TMEM131L: variants seen among roughly 807,000 people sequenced by gnomAD.
TMEM131L encodes the protein transmembrane 131 like, also known as transmembrane protein 131-like.
In TMEM131L, 54 loss-of-function variants were observed where a neutral mutation model predicts 192.2. The ratio of observed to expected loss-of-function variants is 0.28; its 90% CI spans 0.23 to 0.35. The LOEUF is 0.35. Ranked by LOEUF, TMEM131L falls within the 10% of genes least tolerant of loss-of-function variation. The pLI is 1.00. For synonymous variants in TMEM131L, 701 were observed against 704.9 expected (o/e 0.99, Z 0.09); for missense variants, 1,888 against 1,972.9 (o/e 0.96, Z 0.82).
intron 29 of TMEM131L, 41 bp downstream of exon 29, chr4:153,623,124 T>C: frequency 6.6e-7 from 1 of 1,509,648 alleles, no homozygotes. Flanking sequence ...CGGTGGCCCT[T>C]CCCTCTGCCC....
At chr4:153,535,492 C>A (rs529831324) in intron 3 of TMEM131L, among the ~76,000 whole-genome samples, 2 of 152,178 alleles carry the variant, frequency 1.3e-5, no homozygotes, top group East Asian at 3.9e-4. Context: ...GGTGTCTCTG[C>A]ATTCAGAAGG....
chr4:153,535,131 G>C (rs1371382330), intron 3 of TMEM131L, among the ~76,000 whole-genome samples: 1 of 152,224 alleles, frequency 6.6e-6, no homozygotes, highest in African/African-American at 2.4e-5. Context: ...CTTGGATCAG[G>C]TGTGGCAGTG....
chr4:153,532,543 T>G (rs1034778833), intron 3 of TMEM131L, among the ~76,000 whole-genome samples: 2 of 151,822 alleles, frequency 1.3e-5, no homozygotes, highest in Non-Finnish European at 1.5e-5. Context: ...ATTTGTGGGG[T>G]TTTGCAACCA....
intron 6 of TMEM131L, 53 bp from the exon 7 acceptor site, chr4:153,558,204 CA>C: frequency 1.1e-6 from 1 of 951,128 alleles, no homozygotes; most frequent in East Asian, 2.4e-5. Context: ...AGCATTATGG[CA>C]AATGTGTTTT....
At chr4:153,545,622 A>T (rs1737116403) in intron 3 of TMEM131L, among the ~76,000 whole-genome samples, 1 of 152,104 alleles carries the variant, frequency 6.6e-6, no homozygotes, top group South Asian at 2.1e-4. Context: ...GTAGAAAAAA[A>T]TGTGGCCAAA....
intron 25 of TMEM131L, among the ~76,000 whole-genome samples, chr4:153,609,671 G>T (rs1028990918): frequency 3.3e-5 from 5 of 152,130 alleles, no homozygotes. Flanking sequence ...TTTTGGGGAT[G>T]GTTTTGTACT....
chr4:153,581,701 G>C, intron 9 of TMEM131L, 141 bp downstream of exon 9: 1 of 503,536 alleles, frequency 2.0e-6, no homozygotes, highest in Non-Finnish European at 3.2e-6. Context: ...AGTAGTAACT[G>C]GTTCTCAACC....
intron 3 of TMEM131L, among the ~76,000 whole-genome samples, chr4:153,499,182 G>A (rs1260024465): frequency 6.6e-6 from 1 of 152,216 alleles, no homozygotes; most frequent in African/African-American, 2.4e-5. Flanking sequence ...GGGCTCCGAG[G>A]CTGCGCCTTG....
chr4:153,599,286 G>A (rs547087829), intron 21 of TMEM131L, among the ~76,000 whole-genome samples: 22 of 152,232 alleles, frequency 1.4e-4, no homozygotes, highest in African/African-American at 4.8e-4. Context: ...TGCGGGAGTC[G>A]GGGGAGGGTG....
intron 3 of TMEM131L, among the ~76,000 whole-genome samples, chr4:153,487,719 T>TGTGAGAGA (rs369094307): frequency 7.0e-6 from 1 of 143,438 alleles, no homozygotes; most frequent in East Asian, 2.1e-4. Flanking sequence ...TGTGTGTGTG[T>TGTGAGAGA]GAGAGAGAGA....
intron 3 of TMEM131L, among the ~76,000 whole-genome samples, chr4:153,537,859 C>A (rs1363773503): frequency 1.3e-5 from 2 of 152,208 alleles, no homozygotes; most frequent in Non-Finnish European, 2.9e-5. Flanking sequence ...AATTTAGCCT[C>A]ATTGTTTCTT....
intron 3 of TMEM131L, among the ~76,000 whole-genome samples, chr4:153,485,042 C>A (rs1732225408): frequency 6.7e-6 from 1 of 148,596 alleles, no homozygotes. Context: ...TGGCATGAAC[C>A]CGGGAAGTGG....
At position 153,602,567 on chromosome 4, in the gene TMEM131L, TG is replaced by T; in HGVS notation, c.2482del (p.Val828Ter). On this transcript the variant is annotated frameshift_variant, in exon 23 of 35. Transcript: ENST00000409959. LOFTEE classifies it high-confidence loss of function. ...GTTCACTCCAGACTTTACCTCCTCC[TG>T]GGTAATTCGGGACCTAAGTCTTGTA... ...IVFTPDFTSS[W>X]VIRDLSLVTA... The T allele has an allele frequency of 6.2e-7, 1 of 1,614,168 alleles. No homozygotes were observed. Among genetic ancestry groups the T allele is most frequent in the Non-Finnish European group, 8.5e-7 (1 of 1,179,990 alleles).
At chr4:153,525,686 A>G (rs1735418918) in intron 3 of TMEM131L, among the ~76,000 whole-genome samples, 1 of 151,782 alleles carries the variant, frequency 6.6e-6, no homozygotes, top group Non-Finnish European at 1.5e-5. Context: ...CTTGCTGCCT[A>G]AGTCTAACTG....
chr4:153,495,729 G>T (rs1433466744), intron 3 of TMEM131L, among the ~76,000 whole-genome samples: 2 of 152,214 alleles, frequency 1.3e-5, no homozygotes, highest in Non-Finnish European at 1.5e-5. Context: ...ACGTTCTGGG[G>T]TAAAGATCTT....
intron 3 of TMEM131L, among the ~76,000 whole-genome samples, chr4:153,538,559 G>A (rs933818111): frequency 1.3e-5 from 2 of 151,944 alleles, no homozygotes; most frequent in South Asian, 4.1e-4. Flanking sequence ...TTAGCTTTCT[G>A]GTTTATTGGG....
At chr4:153,599,444 TAGGGTG>T (rs1228388484) in intron 21 of TMEM131L, among the ~76,000 whole-genome samples, 1 of 152,092 alleles carries the variant, frequency 6.6e-6, no homozygotes, top group East Asian at 1.9e-4. Flanking sequence ...CTCAAGAGGC[TAGGGTG>T]GGAGAATCAC....
Position 153,589,018 on chromosome 4 carries a change from A to G in TMEM131L, c.1670+11A>G. On this transcript the variant is annotated intron_variant, in intron 16 of 34. Transcript: ENST00000409959. ...TGGTGACGTCTGCAAGTACGTCTCCACTGTCTTCTTTTTTGTTCGGTGGTG... is the reference window on the plus strand; with the variant it reads ...TGGTGACGTCTGCAAGTACGTCTCCGCTGTCTTCTTTTTTGTTCGGTGGTG... 3 of 1,387,654 alleles carry G rather than the reference A, an allele frequency of 2.2e-6. No homozygotes were observed. Among genetic ancestry groups the G allele is most frequent in the Non-Finnish European group, 3.1e-6 (3 of 974,706 alleles). 86.0% of individuals were successfully genotyped at this position (1,387,654 alleles called of 1,614,324 possible). A position where few individuals can be genotyped will look rare whatever the true frequency, so the allele number is the denominator to read the frequency against.
chr4:153,616,324 T>A (rs1292947139), intron 26 of TMEM131L, among the ~76,000 whole-genome samples: 1 of 152,228 alleles, frequency 6.6e-6, no homozygotes, highest in Non-Finnish European at 1.5e-5. Flanking sequence ...TTCTTTAAAA[T>A]CCCTTGAGTG....
Sources: gnomAD v4.1 joint callset for allele counts (sites outside exome capture counted in the v4.1 genomes callset) on GRCh38, gnomAD v4.1.1 for gene constraint, MANE v1.5 for transcripts, NCBI Gene and HGNC (gene_info 2026-07-23, HGNC 2026-07-21) for gene names.